GUCY1A2: variants seen among roughly 807,000 people sequenced by gnomAD.
The protein encoded by GUCY1A2 is guanylate cyclase 1 soluble subunit alpha 2.
A neutral mutation model predicts 63.5 loss-of-function variants in GUCY1A2; 27 were observed. The observed-to-expected ratio is 0.43, with a 90% CI of 0.31 to 0.59. GUCY1A2 has a LOEUF of 0.59. Ranked by LOEUF, GUCY1A2 falls within the 20% of genes least tolerant of loss-of-function variation. GUCY1A2 has a pLI of 0.11. For synonymous variants in GUCY1A2, 364 were observed against 343.5 expected (o/e 1.06, Z -0.66); for missense variants, 768 against 913.3 (o/e 0.84, Z 2.05).
chr11:106,826,893 T>C (rs1208348101), intron 4 of GUCY1A2: 15 of 1,606,590 alleles, frequency 9.3e-6, no homozygotes, highest in Admixed American at 8.3e-5. Flanking sequence ...CATCTTCTCC[T>C]AGATCAAAAC....
chr11:106,828,866 G>A (rs1859012294), intron 4 of GUCY1A2, among the ~76,000 whole-genome samples: 1 of 152,182 alleles, frequency 6.6e-6, no homozygotes, highest in South Asian at 2.1e-4. Flanking sequence ...AATCAAAGAT[G>A]AATCACAGAG....
At chr11:106,877,840 A>G (rs775128818) in intron 4 of GUCY1A2, among the ~76,000 whole-genome samples, 10 of 152,194 alleles carry the variant, frequency 6.6e-5, no homozygotes, top group Non-Finnish European at 1.3e-4. Context: ...TAAACAGACA[A>G]ACTACAGAAT....
At chr11:106,905,627 G>C (rs1357780384) in intron 4 of GUCY1A2, among the ~76,000 whole-genome samples, 1 of 152,046 alleles carries the variant, frequency 6.6e-6, no homozygotes, top group Non-Finnish European at 1.5e-5. Context: ...AATAAGCCAA[G>C]ACCCTGTGAA....
intron 4 of GUCY1A2, among the ~76,000 whole-genome samples, chr11:106,876,754 T>A (rs1859754987): frequency 1.3e-5 from 2 of 152,110 alleles, no homozygotes; most frequent in African/African-American, 4.8e-5. Context: ...ACATTTCATT[T>A]TGATCTTTTT....
chr11:106,775,571 T>A (rs905298878), intron 6 of GUCY1A2, among the ~76,000 whole-genome samples: 1 of 152,106 alleles, frequency 6.6e-6, no homozygotes, highest in East Asian at 1.9e-4. Context: ...TTAAAAATAT[T>A]TTTTAATATA....
chr11:106,870,096 G>C (rs1270708060), intron 4 of GUCY1A2, among the ~76,000 whole-genome samples: 1 of 125,964 alleles, frequency 7.9e-6, no homozygotes, highest in Admixed American at 8.1e-5. Context: ...CACACACCAG[G>C]GCCTCTTGTG....
intron 6 of GUCY1A2, among the ~76,000 whole-genome samples, chr11:106,753,052 T>G (rs1863911325): frequency 6.6e-6 from 1 of 152,142 alleles, no homozygotes; most frequent in African/African-American, 2.4e-5. Flanking sequence ...ATCATGATGT[T>G]AACAGGCATG....
chr11:106,885,936 T>C (rs1366588255), intron 4 of GUCY1A2, among the ~76,000 whole-genome samples: 2 of 152,114 alleles, frequency 1.3e-5, no homozygotes, highest in Non-Finnish European at 2.9e-5. Flanking sequence ...CTCACACACA[T>C]ATATCCCCCT....
At chr11:106,954,176 C>T (rs772385952) in intron 3 of GUCY1A2, among the ~76,000 whole-genome samples, 8 of 152,120 alleles carry the variant, frequency 5.3e-5, no homozygotes, top group Non-Finnish European at 1.2e-4. Flanking sequence ...CATCTTAACA[C>T]TGTTTTAGCT....
chr11:106,917,415 GA>G (rs2119887616), intron 4 of GUCY1A2, among the ~76,000 whole-genome samples: 1 of 145,478 alleles, frequency 6.9e-6, no homozygotes, highest in African/African-American at 2.4e-5. Context: ...AATGCTCTTA[GA>G]AATTAGCAAA....
chr11:106,888,760 A>G (rs146320403), intron 4 of GUCY1A2, among the ~76,000 whole-genome samples: 103 of 152,322 alleles, frequency 6.8e-4, no homozygotes, highest in African/African-American at 2.4e-3. Flanking sequence ...CTCCACTGCT[A>G]TACTTCCTTT....
intron 3 of GUCY1A2, among the ~76,000 whole-genome samples, chr11:106,945,638 C>A (rs887152909): frequency 6.6e-6 from 1 of 152,136 alleles, no homozygotes; most frequent in Non-Finnish European, 1.5e-5. Flanking sequence ...TGACCTATTA[C>A]CTGGACAGTT....
intron 7 of GUCY1A2, among the ~76,000 whole-genome samples, chr11:106,692,656 A>T (rs1173051255): frequency 6.6e-6 from 1 of 152,176 alleles, no homozygotes; most frequent in African/African-American, 2.4e-5. Context: ...CAGAATTTTA[A>T]AAAAGGGTCA....
At chr11:106,988,520 G>C (rs770122461) in intron 1 of GUCY1A2, among the ~76,000 whole-genome samples, 2 of 152,124 alleles carry the variant, frequency 1.3e-5, no homozygotes, top group Non-Finnish European at 2.9e-5. Context: ...GCACATATTT[G>C]TGAAAGGAGT....
chr11:106,903,662 A>G (rs947052814), intron 4 of GUCY1A2, among the ~76,000 whole-genome samples: 1 of 152,174 alleles, frequency 6.6e-6, no homozygotes, highest in African/African-American at 2.4e-5. Flanking sequence ...AACTCTGAGT[A>G]TATATTGTCA....
At chr11:106,814,536 T>G (rs990543945) in intron 4 of GUCY1A2, among the ~76,000 whole-genome samples, 2 of 152,026 alleles carry the variant, frequency 1.3e-5, no homozygotes, top group Non-Finnish European at 2.9e-5. Flanking sequence ...AAGAGTAATT[T>G]TGCACAACAA....
At chr11:106,747,949 G>A (rs1041190661) in intron 6 of GUCY1A2, among the ~76,000 whole-genome samples, 1 of 152,174 alleles carries the variant, frequency 6.6e-6, no homozygotes, top group Non-Finnish European at 1.5e-5. Flanking sequence ...AGCAGTGCTT[G>A]CAGATCACTG....
At chr11:106,944,489 T>C (rs1332444259) in intron 3 of GUCY1A2, among the ~76,000 whole-genome samples, 1 of 152,054 alleles carries the variant, frequency 6.6e-6, no homozygotes, top group East Asian at 1.9e-4. Context: ...AAGCATTCAC[T>C]GGGGAGCCAT....
intron 4 of GUCY1A2, among the ~76,000 whole-genome samples, chr11:106,816,233 TA>T (rs1181222494): frequency 3.3e-5 from 3 of 90,488 alleles, no homozygotes; most frequent in Non-Finnish European, 4.7e-5. Flanking sequence ...TCCTAGGCCA[TA>T]AAAAAACACC....
Sources: gnomAD v4.1 joint callset for allele counts (sites outside exome capture counted in the v4.1 genomes callset) on GRCh38, gnomAD v4.1.1 for gene constraint, MANE v1.5 for transcripts, NCBI Gene and HGNC (gene_info 2026-07-23, HGNC 2026-07-21) for gene names.